Variants in DTNA observed in about 807,000 individuals in gnomAD.
DTNA encodes the protein dystrophin-related protein 3.
Under a neutral mutation model 100.7 loss-of-function variants are expected in DTNA, and 43 were observed. That is an observed-to-expected ratio of 0.43 (90% CI 0.33 to 0.55). The LOEUF (loss-of-function observed/expected upper bound fraction) is 0.55. Among genes scored for constraint, DTNA ranks in the 20% least tolerant of loss-of-function variants. DTNA has a pLI of 0.04. For synonymous variants in DTNA, 349 were observed against 347.9 expected (o/e 1.00, Z -0.04); for missense variants, 798 against 953.9 (o/e 0.84, Z 2.15).
intron 1 of DTNA, among the ~76,000 whole-genome samples, chr18:34,558,612 G>A (rs4467156): frequency 6.6e-6 from 1 of 152,144 alleles, no homozygotes; most frequent in South Asian, 2.1e-4. Context: ...TAAAGCCGTT[G>A]AAGAGAAGAG....
At chr18:34,524,618 A>G (rs1230941833) in intron 1 of DTNA, among the ~76,000 whole-genome samples, 2 of 152,170 alleles carry the variant, frequency 1.3e-5, no homozygotes, top group East Asian at 1.9e-4. Context: ...ATTGATATCC[A>G]TTACTGGATT....
chr18:34,857,095 G>A (rs1039684290), intron 15 of DTNA, among the ~76,000 whole-genome samples: 5 of 152,078 alleles, frequency 3.3e-5, no homozygotes, highest in Admixed American at 6.5e-5. Context: ...AGCAGCACCC[G>A]ACCCCTTAAA....
intron 17 of DTNA, among the ~76,000 whole-genome samples, chr18:34,865,037 G>T (rs1406319911): frequency 2.0e-5 from 3 of 152,200 alleles, no homozygotes; most frequent in Non-Finnish European, 4.4e-5. Context: ...AGTGCCACAT[G>T]ATCATCCTGC....
intron 1 of DTNA, among the ~76,000 whole-genome samples, chr18:34,539,130 A>G (rs1237316833): frequency 2.0e-5 from 3 of 152,016 alleles, no homozygotes; most frequent in Non-Finnish European, 2.9e-5. Context: ...TAAAATGATC[A>G]AGAATATGCA....
rs1197757622 is a variant in DTNA, at chr18:34,557,313, A to G, written c.-2+63799A>G. Among the ~76,000 whole-genome samples the G allele has an allele frequency of 4.2e-5, 6 of 142,034 alleles. No homozygotes were observed. The South Asian group carries it at 1.1e-3, about 26-fold the overall frequency. The allele number at this position is 142,034 out of a possible 152,430, so 93.2% of individuals were successfully genotyped here. On this transcript the variant is annotated intron_variant, in intron 1 of 19. Coordinates refer to the DTNA transcript ENST00000283365. ...TTCAACTTCTTTGCCTTTGGTTTGA[A>G]TGTCCTCCTGTAGCTCAGAGTAATT... is the stretch of plus-strand genomic sequence containing the variant.
intron 3 of DTNA, among the ~76,000 whole-genome samples, chr18:34,772,626 C>A (rs906127602): frequency 6.6e-6 from 1 of 152,152 alleles, no homozygotes; most frequent in Admixed American, 6.5e-5. Context: ...CATTTTTCTT[C>A]CAACTAGTGT....
rs1023032970 is a variant in DTNA at position 34,803,930 on chromosome 18, C to T, written c.363-2289C>T. Among the ~76,000 whole-genome samples, 2 of 152,148 alleles carry T rather than the reference C, an allele frequency of 1.3e-5. 1 individual carries two copies. The highest frequency in any genetic ancestry group is 4.1e-4 in the South Asian group (2 of 4,828). ...TATTAGTCACTAACTCTGTGTGAGACCAAGTGCTAGGCACTAGGAATTCAA... is the reference window on the plus strand; with the variant it reads ...TATTAGTCACTAACTCTGTGTGAGATCAAGTGCTAGGCACTAGGAATTCAA... On this transcript the variant is annotated intron_variant, in intron 4 of 22. Transcript: ENST00000444659.
chr18:34,639,141 C>T (rs1237628312), intron 1 of DTNA, among the ~76,000 whole-genome samples: 2 of 152,142 alleles, frequency 1.3e-5, no homozygotes, highest in Non-Finnish European at 2.9e-5. Context: ...GCTCCTGGCC[C>T]CAGGCATTAT....
chr18:34,772,337 A>C (rs1374034543), intron 3 of DTNA, among the ~76,000 whole-genome samples: 1 of 152,184 alleles, frequency 6.6e-6, no homozygotes, highest in Non-Finnish European at 1.5e-5. Flanking sequence ...AAGTTAGAAC[A>C]CCTGCTTTTT....
chr18:34,707,970 T>G (rs2082325663), upstream of DTNA, among the ~76,000 whole-genome samples: 1 of 152,232 alleles, frequency 6.6e-6, no homozygotes, highest in South Asian at 2.1e-4. Context: ...GTTGTGGGGC[T>G]TTTCTTTCTT....
chr18:34,619,565 A>T (rs1343568767), intron 1 of DTNA, among the ~76,000 whole-genome samples: 1 of 152,184 alleles, frequency 6.6e-6, no homozygotes, highest in Non-Finnish European at 1.5e-5. Context: ...TAAAGATTGG[A>T]TGGGAGGTCA....
chr18:34,759,308 C>T (rs574837457), intron 2 of DTNA, among the ~76,000 whole-genome samples: 80 of 152,324 alleles, frequency 5.3e-4, no homozygotes, highest in African/African-American at 1.8e-3. Context: ...TGGAATTAAA[C>T]TCTCCTTTTC....
chr18:34,497,551 C>T (rs376458788), intron 1 of DTNA, among the ~76,000 whole-genome samples: 1 of 151,988 alleles, frequency 6.6e-6, no homozygotes, highest in South Asian at 2.1e-4. Flanking sequence ...GTGTTTAAGA[C>T]AAAGGATTCT....
intron 1 of DTNA, among the ~76,000 whole-genome samples, chr18:34,725,058 A>G (rs2086284816): frequency 6.6e-6 from 1 of 152,138 alleles, no homozygotes; most frequent in African/African-American, 2.4e-5. Context: ...GAAAACTGAA[A>G]CTGGACCCTT....
intron 1 of DTNA, among the ~76,000 whole-genome samples, chr18:34,587,352 A>T (rs1461831473): frequency 6.6e-6 from 1 of 151,098 alleles, no homozygotes; most frequent in Non-Finnish European, 1.5e-5. Context: ...GACACTCCTG[A>T]AAAAATATGT....
chr18:34,745,123 A>G (rs561183558), intron 1 of DTNA, among the ~76,000 whole-genome samples: 2 of 152,196 alleles, frequency 1.3e-5, no homozygotes, highest in South Asian at 2.1e-4. Context: ...TGTCGTGGCT[A>G]TTACTGTTAT....
intron 1 of DTNA, among the ~76,000 whole-genome samples, chr18:34,675,971 A>G (rs2077348571): frequency 6.6e-6 from 1 of 152,208 alleles, no homozygotes; most frequent in Non-Finnish European, 1.5e-5. Flanking sequence ...CAAAATAAAC[A>G]ATAGAGAGTG....
chr18:34,664,592 TG>T (rs2075647472), intron 1 of DTNA, among the ~76,000 whole-genome samples: 1 of 151,950 alleles, frequency 6.6e-6, no homozygotes, highest in Non-Finnish European at 1.5e-5. Context: ...ACTGGTGGTG[TG>T]GTTGTGGAGT....
Position 34,888,215 on chromosome 18 carries a change from G to A in DTNA, c.*481G>A, listed in dbSNP as rs896528147. 2.0e-6 allele frequency: 2 copies of A among 985,658 alleles called. No homozygotes were observed. Among genetic ancestry groups the A allele is most frequent in the Non-Finnish European group, 2.4e-6 (2 of 829,912 alleles). 61.1% of individuals were successfully genotyped at this position (985,658 alleles called of 1,614,324 possible). On this transcript the variant is annotated 3_prime_UTR_variant, in exon 23 of 23. Transcript: ENST00000444659. ...TAATACTGTTTATAGCTAGAAGTTT[G>A]ATTTCTGAATTCTTTGAGATTTTAG...
Sources: gnomAD v4.1 joint callset for allele counts (sites outside exome capture counted in the v4.1 genomes callset) on GRCh38, gnomAD v4.1.1 for gene constraint, MANE v1.5 for transcripts, NCBI Gene and HGNC (gene_info 2026-07-23, HGNC 2026-07-21) for gene names.